TMEM132D: variants seen among roughly 807,000 people sequenced by gnomAD.
TMEM132D encodes transmembrane protein 132D.
A neutral mutation model predicts 62.3 loss-of-function variants in TMEM132D; 21 were observed. The ratio of observed to expected loss-of-function variants is 0.34; its 90% CI spans 0.24 to 0.49. The LOEUF (loss-of-function observed/expected upper bound fraction) is 0.49. TMEM132D is among the 20% of genes least tolerant of loss of function. TMEM132D has a pLI of 0.99. For missense variants in TMEM132D, 1,346 were observed against 1,402.8 expected (o/e 0.96, Z 0.65); for synonymous variants, 621 against 575.6 (o/e 1.08, Z -1.13).
At chr12:129,125,145 T>C (rs568004471) in intron 5 of TMEM132D, among the ~76,000 whole-genome samples, 9 of 152,216 alleles carry the variant, frequency 5.9e-5, no homozygotes, top group Non-Finnish European at 1.2e-4. Flanking sequence ...TCAGAAATAA[T>C]GTGACATGTT....
chr12:129,813,846 G>A (rs982984736), intron 1 of TMEM132D, among the ~76,000 whole-genome samples: 3 of 151,926 alleles, frequency 2.0e-5, no homozygotes, highest in Non-Finnish European at 4.4e-5. Context: ...CATTCAACAA[G>A]GGCGTCAACA....
At chr12:129,284,066 C>T (rs997783452) in intron 4 of TMEM132D, among the ~76,000 whole-genome samples, 6 of 152,262 alleles carry the variant, frequency 3.9e-5, no homozygotes, top group Admixed American at 2.6e-4. Flanking sequence ...TCCTGTGCAG[C>T]CTTGGCTCAG....
chr12:129,810,042 A>C (rs761295553), intron 1 of TMEM132D, among the ~76,000 whole-genome samples: 32 of 152,184 alleles, frequency 2.1e-4, no homozygotes, highest in Non-Finnish European at 4.1e-4. Flanking sequence ...AGAAAGGGAA[A>C]TCTCTAGCCA....
At chr12:129,551,274 A>G (rs1021061213) in intron 2 of TMEM132D, among the ~76,000 whole-genome samples, 1 of 152,230 alleles carries the variant, frequency 6.6e-6, no homozygotes, top group African/African-American at 2.4e-5. Flanking sequence ...TGTTTAGAGC[A>G]TTAAGTTTGT....
chr12:129,779,325 G>A lies in TMEM132D; in HGVS notation c.80-78627C>T, dbSNP rs945607094. ...TTTGTTTGAGACAGGGTCTCACTTTGTCGCCCAGGCTGGAGAGCAGTGGTG... is the reference window on the plus strand; with the variant it reads ...TTTGTTTGAGACAGGGTCTCACTTTATCGCCCAGGCTGGAGAGCAGTGGTG... On this transcript the variant is annotated intron_variant, in intron 1 of 8. Coordinates refer to ENST00000422113, the MANE Select transcript of TMEM132D (RefSeq NM_133448.3). This position sits in a 1 kb window ranked among gnomAD's most constrained non-coding sequence, Gnocchi z 4.1. Among the ~76,000 whole-genome samples, 3 of 152,178 alleles carry A rather than the reference G, an allele frequency of 2.0e-5. No homozygotes were observed. Among genetic ancestry groups the A allele is most frequent in the Non-Finnish European group, 4.4e-5 (3 of 68,028 alleles).
At chr12:129,823,307 A>C (rs1310887952) in intron 1 of TMEM132D, among the ~76,000 whole-genome samples, 2 of 152,198 alleles carry the variant, frequency 1.3e-5, no homozygotes, top group Non-Finnish European at 2.9e-5. Flanking sequence ...GGCCTAACAC[A>C]GTTGTTTTTG....
At chr12:129,848,225 G>A (rs1426754808) in intron 1 of TMEM132D, among the ~76,000 whole-genome samples, 2 of 152,228 alleles carry the variant, frequency 1.3e-5, no homozygotes, top group East Asian at 3.9e-4. Flanking sequence ...GCAGTTTTTT[G>A]CCAATAAAAC....
intron 2 of TMEM132D, among the ~76,000 whole-genome samples, chr12:129,606,989 TTGTC>T (rs1374591302): frequency 5.3e-5 from 8 of 152,180 alleles, no homozygotes; most frequent in East Asian, 3.9e-4. Flanking sequence ...GTTACTTTCC[TTGTC>T]TATCTTGGAA....
chr12:129,709,840 ATTAATT>A (rs1881599378), intron 1 of TMEM132D, among the ~76,000 whole-genome samples: 1 of 152,354 alleles, frequency 6.6e-6, no homozygotes, highest in South Asian at 2.1e-4. Flanking sequence ...CTCAGATCCT[ATTAATT>A]TTAAAGTAAA....
chr12:129,223,659 G>T (rs1026238058), intron 4 of TMEM132D, among the ~76,000 whole-genome samples: 1 of 152,136 alleles, frequency 6.6e-6, no homozygotes, highest in African/African-American at 2.4e-5. Context: ...CCCGCCTCCC[G>T]CTTTGCAAGA....
chr12:129,297,356 A>T (rs2135624315), intron 4 of TMEM132D, among the ~76,000 whole-genome samples: 1 of 152,352 alleles, frequency 6.6e-6, no homozygotes, highest in Non-Finnish European at 1.5e-5. Context: ...GGTTCAAGGC[A>T]AGCCATTTGC....
At chr12:129,358,515 AT>A (rs1192670551) in intron 3 of TMEM132D, among the ~76,000 whole-genome samples, 1 of 152,178 alleles carries the variant, frequency 6.6e-6, no homozygotes, top group Non-Finnish European at 1.5e-5. Flanking sequence ...GACACCACAA[AT>A]CAGGGCTTCT....
intron 1 of TMEM132D, among the ~76,000 whole-genome samples, chr12:129,711,617 C>G (rs947322307): frequency 1.3e-5 from 2 of 150,972 alleles, no homozygotes; most frequent in African/African-American, 4.9e-5. Context: ...ATCCCAGCTA[C>G]TTAGGAGGCT....
intron 1 of TMEM132D, among the ~76,000 whole-genome samples, chr12:129,730,736 A>AT (rs1190298701): frequency 6.6e-6 from 1 of 151,968 alleles, no homozygotes; most frequent in African/African-American, 2.4e-5. Context: ...CACGGCTGGG[A>AT]TAAAAACAGG....
chr12:129,467,638 A>C (rs1254590825), intron 3 of TMEM132D, among the ~76,000 whole-genome samples: 1 of 152,232 alleles, frequency 6.6e-6, no homozygotes, highest in Non-Finnish European at 1.5e-5. Flanking sequence ...CAGAGCAGAC[A>C]TGCCAAGGTC....
intron 5 of TMEM132D, among the ~76,000 whole-genome samples, chr12:129,201,359 C>T (rs1037128947): frequency 3.3e-5 from 5 of 152,182 alleles, no homozygotes; most frequent in East Asian, 3.8e-4. Flanking sequence ...TCCCCAACCC[C>T]GAGGCTATCC....
intron 1 of TMEM132D, among the ~76,000 whole-genome samples, chr12:129,802,661 A>C (rs1252896068): frequency 3.4e-5 from 5 of 146,068 alleles, no homozygotes; most frequent in African/African-American, 5.1e-5. Flanking sequence ...TAACATCATA[A>C]TGACAGGATC....
chr12:129,808,044 C>A (rs1212964631), intron 1 of TMEM132D, among the ~76,000 whole-genome samples: 1 of 152,140 alleles, frequency 6.6e-6, no homozygotes, highest in Non-Finnish European at 1.5e-5. Context: ...TTATTTAATA[C>A]CATGTCATTA....
intron 3 of TMEM132D, among the ~76,000 whole-genome samples, chr12:129,482,808 A>G (rs1311760738): frequency 6.6e-6 from 1 of 152,096 alleles, no homozygotes; most frequent in Non-Finnish European, 1.5e-5. Context: ...TTAATTCTGA[A>G]AAGTTTCATT....
Sources: gnomAD v4.1 joint callset for allele counts (sites outside exome capture counted in the v4.1 genomes callset) on GRCh38, gnomAD v4.1.1 for gene constraint, Gnocchi (gnomAD v3.1) non-coding constraint, MANE v1.5 for transcripts, NCBI Gene and HGNC (gene_info 2026-07-23, HGNC 2026-07-21) for gene names.